The following DENND1B variants were observed in gnomAD, a reference collection of about 807,000 sequenced individuals.
DENND1B encodes the protein DENN domain-containing protein 1B.
A neutral mutation model predicts 90.1 loss-of-function variants in DENND1B; 59 were observed. The observed-to-expected ratio is 0.65, with a 90% CI of 0.53 to 0.81. The LOEUF (loss-of-function observed/expected upper bound fraction) is 0.81. Ranked by LOEUF, DENND1B falls within the 40% of genes least tolerant of loss-of-function variation. DENND1B has a pLI of 0.00. For missense variants in DENND1B, 862 were observed against 912.6 expected, an observed-to-expected ratio of 0.94 and a Z score of 0.71; for synonymous variants, 337 against 324.6, an observed-to-expected ratio of 1.04 and a Z score of -0.41.
At chr1:197,640,533 T>TATA (rs1361928197) in intron 10 of DENND1B, among the ~76,000 whole-genome samples, 1 of 151,696 alleles carries the variant, frequency 6.6e-6, no homozygotes, top group Non-Finnish European at 1.5e-5. Context: ...TTACTAAACA[T>TATA]ATATTCTATG....
intron 20 of DENND1B, among the ~76,000 whole-genome samples, chr1:197,535,738 GTCC>G (rs894419076): frequency 1.3e-5 from 2 of 152,132 alleles, no homozygotes; most frequent in African/African-American, 4.8e-5. Context: ...CCCTTCCTGT[GTCC>G]TTGGTAACAT....
At chr1:197,703,037 G>C (rs1048976143) in intron 3 of DENND1B, among the ~76,000 whole-genome samples, 1 of 151,892 alleles carries the variant, frequency 6.6e-6, no homozygotes, top group African/African-American at 2.4e-5. Context: ...GCCTGGGCTG[G>C]AGTGCAGTAG....
Position 197,658,267 on chromosome 1 carries a change from C to G in DENND1B, c.366+33G>C, listed in dbSNP as rs1272486137. The G allele has an allele frequency of 2.0e-6, 3 of 1,528,968 alleles. No homozygotes were observed. The South Asian group carries it at 3.4e-5, about 17-fold the overall frequency. The allele number at this position is 1,528,968 out of a possible 1,614,324, so 94.7% of individuals were successfully genotyped here. A position where few individuals can be genotyped will look rare whatever the true frequency, so the allele number is the denominator to read the frequency against. The stretch of plus-strand genomic sequence containing the variant: ...TAAGTTTTGTGTTATAAGTATTTTA[C>G]CACAATTTAAAAATGGGGAAAAAAT... On this transcript the variant is annotated intron_variant, in intron 6 of 22. Coordinates refer to ENST00000620048, the MANE Select transcript of DENND1B (RefSeq NM_001195215.2).
intron 15 of DENND1B, among the ~76,000 whole-genome samples, chr1:197,569,075 A>G (rs114208219): frequency 4.9e-4 from 75 of 152,272 alleles, no homozygotes; most frequent in African/African-American, 1.7e-3. Context: ...AACTCAAACA[A>G]ATTAATAAGA....
intron 2 of DENND1B, among the ~76,000 whole-genome samples, chr1:197,756,769 G>A (rs988485616): frequency 6.6e-6 from 1 of 151,354 alleles, no homozygotes; most frequent in African/African-American, 2.4e-5. Context: ...TTAGATACTT[G>A]TGTGTAATAA....
intron 20 of DENND1B, among the ~76,000 whole-genome samples, chr1:197,524,916 A>G (rs1669035658): frequency 1.3e-5 from 2 of 152,182 alleles, no homozygotes; most frequent in South Asian, 4.1e-4. Context: ...CCCTTTACAG[A>G]CTGCTTTTAC....
intron 10 of DENND1B, among the ~76,000 whole-genome samples, chr1:197,629,996 A>G (rs1679181224): frequency 6.6e-6 from 1 of 152,064 alleles, no homozygotes; most frequent in African/African-American, 2.4e-5. Context: ...AATTAAAACA[A>G]TGAGATACCA....
chr1:197,545,886 T>C (rs1242619002), intron 18 of DENND1B, 36 bp downstream of exon 18: 1 of 1,521,224 alleles, frequency 6.6e-7, no homozygotes, highest in Non-Finnish European at 8.9e-7. Flanking sequence ...TTTTATAATT[T>C]CATAAATAGG....
chr1:197,705,839 C>A (rs1203687522), intron 3 of DENND1B, among the ~76,000 whole-genome samples: 1 of 151,974 alleles, frequency 6.6e-6, no homozygotes, highest in African/African-American at 2.4e-5. Context: ...CATGTCTTCA[C>A]TGTAGGGAGT....
chr1:197,668,949 C>A (rs1655211335), intron 5 of DENND1B, among the ~76,000 whole-genome samples: 1 of 151,882 alleles, frequency 6.6e-6, no homozygotes, highest in African/African-American at 2.4e-5. Flanking sequence ...TCTTAATGGG[C>A]TCATTTTTTT....
At chr1:197,699,693 T>C (rs1658824599) in intron 3 of DENND1B, among the ~76,000 whole-genome samples, 1 of 152,178 alleles carries the variant, frequency 6.6e-6, no homozygotes. Flanking sequence ...CTCCTTAAAC[T>C]GATAAGCAAC....
chr1:197,742,550 A>G (rs1663313761), intron 2 of DENND1B, among the ~76,000 whole-genome samples: 1 of 152,170 alleles, frequency 6.6e-6, no homozygotes, highest in South Asian at 2.1e-4. Context: ...TAAACAATGT[A>G]AAATAAAGTA....
intron 16 of DENND1B, among the ~76,000 whole-genome samples, chr1:197,547,471 G>A (rs1670901060): frequency 6.6e-6 from 1 of 152,150 alleles, no homozygotes; most frequent in African/African-American, 2.4e-5. Context: ...CATCAGGCAA[G>A]AAGTGTCCAG....
upstream of DENND1B, among the ~76,000 whole-genome samples, chr1:197,780,328 T>TA (rs1491481906): frequency 2.9e-4 from 37 of 127,530 alleles, no homozygotes; most frequent in East Asian, 2.0e-3. Flanking sequence ...GTGGCTTTTC[T>TA]TTTTTTTTTT....
Position 197,509,469 on chromosome 1 carries a change from A to G in DENND1B, c.*991T>C, listed in dbSNP as rs955421507. On this transcript the variant is annotated 3_prime_UTR_variant, in exon 23 of 23. Transcript: ENST00000620048. ...GGGGCAGATGTACCATAGTAACGTAAGATGTTAGTAACAGGGGTAGATGGG... is the reference window on the plus strand; with the variant it reads ...GGGGCAGATGTACCATAGTAACGTAGGATGTTAGTAACAGGGGTAGATGGG... 1.3e-5 allele frequency: 2 copies of G among 151,812 alleles called. No homozygotes were observed. Among genetic ancestry groups the G allele is most frequent in the African/African-American group, 4.8e-5 (2 of 41,392 alleles). The allele number at this position is 151,812 out of a possible 1,614,324, so 9.4% of individuals were successfully genotyped here.
Position 197,557,878 on chromosome 1 carries a change from T to A in DENND1B, c.1150-4766A>T, listed in dbSNP as rs1571868498. 2.0e-5 allele frequency among the ~76,000 whole-genome samples: 3 copies of A among 152,000 alleles called. No homozygotes were observed. In the South Asian group the frequency reaches 6.2e-4, roughly 31 times the overall value. ...AAGAGATAAGAAAATTTTTAGTTAC[T>A]GATGCAGAGAAATAATTTTGAACTA... On this transcript the variant is annotated intron_variant, in intron 15 of 22. Coordinates refer to ENST00000620048, the MANE Select transcript of DENND1B (RefSeq NM_001195215.2).
chr1:197,613,614 T>C (rs1677377392), intron 11 of DENND1B, among the ~76,000 whole-genome samples: 1 of 150,854 alleles, frequency 6.6e-6, no homozygotes, highest in African/African-American at 2.4e-5. Flanking sequence ...CAAGTTCTCA[T>C]CCCTGTATTC....
At chr1:197,761,945 C>T (rs903855085) in intron 2 of DENND1B, 9 of 151,670 alleles carry the variant, frequency 5.9e-5, no homozygotes, top group Non-Finnish European at 1.3e-4. Flanking sequence ...ATAAAGTGCC[C>T]GTTGCTTGTG....
intron 20 of DENND1B, among the ~76,000 whole-genome samples, chr1:197,516,959 T>G (rs1465676233): frequency 6.6e-6 from 1 of 151,880 alleles, no homozygotes; most frequent in Non-Finnish European, 1.5e-5. Flanking sequence ...AAGCTTTATC[T>G]GCTAAGTGTT....
Sources: gnomAD v4.1 joint callset for allele counts (sites outside exome capture counted in the v4.1 genomes callset) on GRCh38, gnomAD v4.1.1 for gene constraint, MANE v1.5 for transcripts, NCBI Gene and HGNC (gene_info 2026-07-23, HGNC 2026-07-21) for gene names.